Variants in RABGAP1 observed in about 807,000 individuals in gnomAD.
The protein encoded by RABGAP1 is rab GTPase-activating protein 1.
RABGAP1 carries 23 observed loss-of-function variants against 137.6 expected under a neutral mutation model. That is an observed-to-expected ratio of 0.17 (90% CI 0.12 to 0.24). The LOEUF (loss-of-function observed/expected upper bound fraction) is 0.24. Ranked by LOEUF, RABGAP1 falls within the 10% of genes least tolerant of loss-of-function variation. The pLI is 1.00. For missense variants in RABGAP1, 906 were observed against 1,275.8 expected (o/e 0.71, Z 4.42); for synonymous variants, 451 against 450.7 (o/e 1.00, Z -0.01).
At chr9:123,102,423 T>C (rs765011313) in intron 25 of RABGAP1, among the ~76,000 whole-genome samples, 3 of 152,160 alleles carry the variant, frequency 2.0e-5, no homozygotes, top group Non-Finnish European at 2.9e-5. Context: ...ATGGCACACA[T>C]TCACTGGGCA....
At chr9:123,095,228 A>C (rs999563595) in intron 21 of RABGAP1, among the ~76,000 whole-genome samples, 3 of 14,360 alleles carry the variant, frequency 2.1e-4, no homozygotes, top group East Asian at 8.3e-3. Context: ...CCTTGTCCCA[A>C]AAAAAAAAAA....
At chr9:123,015,893 GA>G (rs2031188739) in intron 12 of RABGAP1, among the ~76,000 whole-genome samples, 1 of 152,142 alleles carries the variant, frequency 6.6e-6, no homozygotes, top group African/African-American at 2.4e-5. Context: ...GAATAAATAA[GA>G]AAAGTATCTT....
chr9:123,014,702 C>T (rs2031084681), intron 11 of RABGAP1, among the ~76,000 whole-genome samples: 1 of 145,950 alleles, frequency 6.9e-6, no homozygotes, highest in Non-Finnish European at 1.5e-5. Flanking sequence ...TGGTCTGTTG[C>T]CCATGCTGGA....
chr9:122,969,218 G>C (rs1046259510), intron 2 of RABGAP1, among the ~76,000 whole-genome samples: 1 of 152,224 alleles, frequency 6.6e-6, no homozygotes, highest in Non-Finnish European at 1.5e-5. Context: ...ATGCTATACA[G>C]GTTTGTAGCC....
rs181270907 is a variant in RABGAP1, at chr9:123,027,757, C to T, written c.1794+7298C>T. Reference sequence around the variant, plus strand: ...CTGTTGATTTTTCCTTAAGCTTTGACATTCTGGAAAATCAGACAGTGTGTT... The same window carrying T: ...CTGTTGATTTTTCCTTAAGCTTTGATATTCTGGAAAATCAGACAGTGTGTT... On this transcript the variant is annotated intron_variant, in intron 13 of 25. Transcript: ENST00000373647. 2.4e-3 allele frequency among the ~76,000 whole-genome samples: 361 copies of T among 152,288 alleles called. 1 individual carries two copies. The highest frequency in any genetic ancestry group is 5.5e-3 in the Admixed American group (84 of 15,302).
intron 6 of RABGAP1, among the ~76,000 whole-genome samples, chr9:122,994,815 T>C (rs1836932708): frequency 6.6e-6 from 1 of 152,130 alleles, no homozygotes; most frequent in Admixed American, 6.6e-5. Context: ...AGGGGATTAT[T>C]TTGTTAAACT....
chr9:123,034,890 A>G, intron 13 of RABGAP1: 1 of 1,613,754 alleles, frequency 6.2e-7, no homozygotes. Flanking sequence ...TTGGTTTTGT[A>G]GTATCAGTTC....
chr9:123,015,421 G>C (rs988115806), intron 11 of RABGAP1, 122 bp from the exon 12 acceptor site: 2 of 522,272 alleles, frequency 3.8e-6, no homozygotes, highest in South Asian at 3.0e-5. Context: ...AATACTAAAA[G>C]AGAGAAATTA....
chr9:122,937,785 A>T (rs1324611671), upstream of RABGAP1: 2 of 152,318 alleles, frequency 1.3e-5, no homozygotes, highest in Non-Finnish European at 2.9e-5. Flanking sequence ...TGAGGTCAGG[A>T]GTTCGAGACC....
chr9:122,953,373 C>A (rs746230257), intron 1 of RABGAP1, among the ~76,000 whole-genome samples: 8 of 151,800 alleles, frequency 5.3e-5, no homozygotes, highest in African/African-American at 1.9e-4. Flanking sequence ...CTCAGTGTGA[C>A]AAGCTCATAC....
chr9:123,036,163 T>A (rs1727944502), intron 13 of RABGAP1, among the ~76,000 whole-genome samples: 1 of 152,258 alleles, frequency 6.6e-6, no homozygotes, highest in African/African-American at 2.4e-5. Context: ...CCAAATGTTC[T>A]GTGTTTTATT....
the RABGAP1 span, among the ~76,000 whole-genome samples, chr9:122,934,693 A>T: frequency 5.7e-4 from 41 of 72,166 alleles, no homozygotes; most frequent in African/African-American, 1.4e-3. Flanking sequence ...ATTTTATTTT[A>T]TTTTTTGAGA....
chr9:123,055,758 C>T (rs1041000634), intron 13 of RABGAP1, among the ~76,000 whole-genome samples: 8 of 152,086 alleles, frequency 5.3e-5, no homozygotes, highest in Admixed American at 3.3e-4. Flanking sequence ...CCATGTTGGC[C>T]AGGCTGGTCT....
intron 15 of RABGAP1, among the ~76,000 whole-genome samples, chr9:123,073,195 T>C (rs2034410434): frequency 6.6e-6 from 1 of 152,158 alleles, no homozygotes; most frequent in Non-Finnish European, 1.5e-5. Context: ...TCTGCTCAGC[T>C]CAAATTCTGT....
chr9:123,083,312 A>G (rs896517524), intron 19 of RABGAP1, among the ~76,000 whole-genome samples: 2 of 152,226 alleles, frequency 1.3e-5, no homozygotes, highest in Non-Finnish European at 2.9e-5. Context: ...CTTATTCTCT[A>G]TACACTACAC....
chr9:123,090,255 G>T lies in RABGAP1; in HGVS notation c.2518-20G>T, dbSNP rs373028492. On this transcript the variant is annotated intron_variant, in intron 20 of 25. Coordinates refer to ENST00000373647, the MANE Select transcript of RABGAP1 (RefSeq NM_012197.4). ...ATCTGATTTTTATGTGTCTGTAACTGGTTTCTTTCTACCCTTCAGCGGGAG... is the reference window on the plus strand; with the variant it reads ...ATCTGATTTTTATGTGTCTGTAACTTGTTTCTTTCTACCCTTCAGCGGGAG... The T allele has an allele frequency of 3.0e-4, 464 of 1,570,024 alleles. No individual in the cohort carries two copies. The highest frequency in any genetic ancestry group is 4.8e-4 in the South Asian group (42 of 87,130).
intron 2 of RABGAP1, among the ~76,000 whole-genome samples, chr9:122,971,356 T>A (rs763620774): frequency 1.3e-5 from 2 of 152,146 alleles, no homozygotes; most frequent in Non-Finnish European, 2.9e-5. Context: ...GCAGAACTAC[T>A]CTGGAAGAAC....
intron 1 of RABGAP1, among the ~76,000 whole-genome samples, chr9:122,953,329 C>T (rs949738430): frequency 2.0e-5 from 3 of 151,378 alleles, no homozygotes; most frequent in Admixed American, 1.3e-4. Context: ...TCTATGAGAT[C>T]GATAGTATAA....
At chr9:122,931,707 A>G in the RABGAP1 span, among the ~76,000 whole-genome samples, 4 of 152,186 alleles carry the variant, frequency 2.6e-5, no homozygotes, top group African/African-American at 9.7e-5. Flanking sequence ...CACTAGCTTC[A>G]CTGCCTACTA....
Sources: gnomAD v4.1 joint callset for allele counts (sites outside exome capture counted in the v4.1 genomes callset) on GRCh38, gnomAD v4.1.1 for gene constraint, MANE v1.5 for transcripts, NCBI Gene and HGNC (gene_info 2026-07-23, HGNC 2026-07-21) for gene names.